Variants in ASTN1 observed in about 807,000 individuals in gnomAD.
ASTN1 encodes the protein astrotactin 1, also known as astrotactin-1.
In ASTN1, 41 loss-of-function variants were observed where a neutral mutation model predicts 140.7. The ratio of observed to expected loss-of-function variants is 0.29; its 90% CI spans 0.23 to 0.38. ASTN1 has a LOEUF of 0.38. Ranked by LOEUF, ASTN1 falls within the 10% of genes least tolerant of loss-of-function variation. The pLI is 1.00. For missense variants in ASTN1, 1,479 were observed against 1,678.8 expected, an observed-to-expected ratio of 0.88 and a Z score of 2.08; for synonymous variants, 640 against 652.2, an observed-to-expected ratio of 0.98 and a Z score of 0.29.
At chr1:177,125,756 C>G (rs1681611855) in intron 1 of ASTN1, among the ~76,000 whole-genome samples, 1 of 152,192 alleles carries the variant, frequency 6.6e-6, no homozygotes, top group Non-Finnish European at 1.5e-5. Context: ...CCTAAACACC[C>G]TTAATTTCCT....
chr1:177,061,435 G>C (rs1161174748), intron 1 of ASTN1, among the ~76,000 whole-genome samples, 170 bp from the exon 2 acceptor site: 1 of 152,184 alleles, frequency 6.6e-6, no homozygotes, highest in African/African-American at 2.4e-5. Flanking sequence ...CAAGGAAGAG[G>C]AGAGACCCTG....
chr1:176,934,401 C>T, intron 15 of ASTN1, 61 bp from the exon 16 acceptor site: 1 of 1,481,698 alleles, frequency 6.7e-7, no homozygotes, highest in African/African-American at 1.4e-5. Context: ...ATACGGATTC[C>T]CAGGCAATTC....
intron 8 of ASTN1, among the ~76,000 whole-genome samples, chr1:176,985,873 C>G (rs542185217): frequency 6.6e-6 from 1 of 150,816 alleles, no homozygotes; most frequent in African/African-American, 2.5e-5. Flanking sequence ...CACACACACA[C>G]ACACACACAC....
chr1:176,999,325 G>T (rs555316978), intron 8 of ASTN1, among the ~76,000 whole-genome samples: 1 of 152,198 alleles, frequency 6.6e-6, no homozygotes, highest in South Asian at 2.1e-4. Flanking sequence ...TAGGGCCATG[G>T]CCATTTATGG....
chr1:176,892,856 A>T (rs1315638446), intron 17 of ASTN1, among the ~76,000 whole-genome samples: 2 of 152,240 alleles, frequency 1.3e-5, no homozygotes, highest in Non-Finnish European at 2.9e-5. Flanking sequence ...AGAACAGCGG[A>T]TGGCAAAGAC....
At chr1:177,109,470 C>G (rs1285084507) in intron 1 of ASTN1, among the ~76,000 whole-genome samples, 1 of 151,368 alleles carries the variant, frequency 6.6e-6, no homozygotes, top group Non-Finnish European at 1.5e-5. Context: ...AGAGACTCAC[C>G]CACAATATCT....
chr1:176,870,789 TAAAG>T (rs1168314525), intron 21 of ASTN1, among the ~76,000 whole-genome samples: 2 of 152,132 alleles, frequency 1.3e-5, no homozygotes, highest in African/African-American at 4.8e-5. Flanking sequence ...AATTAAGAAA[TAAAG>T]AAGATAGTGA....
intron 1 of ASTN1, among the ~76,000 whole-genome samples, chr1:177,162,804 C>T (rs1285019121): frequency 6.6e-6 from 1 of 152,168 alleles, no homozygotes; most frequent in Admixed American, 6.5e-5. Flanking sequence ...TTCCATCCTC[C>T]AAATAACCCA....
intron 21 of ASTN1, among the ~76,000 whole-genome samples, chr1:176,875,507 G>T (rs1042670009): frequency 4.6e-5 from 7 of 152,290 alleles, no homozygotes; most frequent in South Asian, 4.1e-4. Context: ...TTCAGATGTT[G>T]CATAGTGCTA....
intron 1 of ASTN1, among the ~76,000 whole-genome samples, chr1:177,143,086 C>A (rs1031295496): frequency 1.3e-5 from 2 of 152,146 alleles, no homozygotes; most frequent in African/African-American, 4.8e-5. Context: ...TAAAGAGCTA[C>A]CTTGCTCCGG....
chr1:176,889,244 G>T (rs1669165307), intron 17 of ASTN1, among the ~76,000 whole-genome samples: 1 of 152,250 alleles, frequency 6.6e-6, no homozygotes, highest in South Asian at 2.1e-4. Context: ...TGCTGCCTCA[G>T]CCCTATCCCA....
intron 21 of ASTN1, among the ~76,000 whole-genome samples, chr1:176,872,307 T>C (rs1213677667): frequency 7.9e-5 from 12 of 152,162 alleles, no homozygotes; most frequent in Non-Finnish European, 4.4e-5. Flanking sequence ...CAGTTTTCTA[T>C]GTACGTGCAC....
intron 1 of ASTN1, among the ~76,000 whole-genome samples, chr1:177,144,943 A>T (rs1425296192): frequency 6.6e-6 from 1 of 152,170 alleles, no homozygotes; most frequent in Non-Finnish European, 1.5e-5. Context: ...AGATAGAGAA[A>T]AATCATCATT....
intron 20 of ASTN1, among the ~76,000 whole-genome samples, chr1:176,880,174 C>G (rs1377229183): frequency 6.6e-6 from 1 of 152,232 alleles, no homozygotes; most frequent in Non-Finnish European, 1.5e-5. Flanking sequence ...CAGCTAGAGA[C>G]TTGGTGATGA....
At chr1:177,060,823 G>A (rs1678045913) in intron 2 of ASTN1, among the ~76,000 whole-genome samples, 1 of 152,030 alleles carries the variant, frequency 6.6e-6, no homozygotes, top group Non-Finnish European at 1.5e-5. Flanking sequence ...TATTATCTCT[G>A]GTTTGTTAAA....
At chr1:176,917,391 T>C (rs1670533052) in intron 16 of ASTN1, among the ~76,000 whole-genome samples, 3 of 152,182 alleles carry the variant, frequency 2.0e-5, no homozygotes, top group Admixed American at 6.5e-5. Context: ...TTTGCTGTCA[T>C]GTTAATATTG....
intron 8 of ASTN1, among the ~76,000 whole-genome samples, chr1:177,008,729 AAG>A (rs1038189723): frequency 4.6e-5 from 7 of 151,542 alleles, no homozygotes; most frequent in Admixed American, 1.3e-4. Context: ...ATGAGAGAGA[AAG>A]AGAGAGAGAG....
intron 8 of ASTN1, among the ~76,000 whole-genome samples, chr1:176,972,657 C>T (rs943725755): frequency 2.6e-5 from 4 of 152,076 alleles, no homozygotes; most frequent in Non-Finnish European, 5.9e-5. Context: ...AGCCACCATG[C>T]TTGGCCTCAA....
At position 177,019,674 on chromosome 1, in the gene ASTN1, A is replaced by G. The variant is rs2223300; in HGVS notation, c.1438+3730T>C. Among the ~76,000 whole-genome samples the G allele has an allele frequency of 5.9e-5, 9 of 152,282 alleles. No homozygotes were observed. The South Asian group carries it at 1.9e-3, about 32-fold the overall frequency. On this transcript the variant is annotated intron_variant, in intron 7 of 22. Transcript: ENST00000361833. ...TCCCATGCATTGGGCTGAGTGCTCT[A>G]GGTATATTACATCCCTCCCAGGTAG... is the stretch of plus-strand genomic sequence containing the variant.
Sources: gnomAD v4.1 joint callset for allele counts (sites outside exome capture counted in the v4.1 genomes callset) on GRCh38, gnomAD v4.1.1 for gene constraint, MANE v1.5 for transcripts, NCBI Gene and HGNC (gene_info 2026-07-23, HGNC 2026-07-21) for gene names.